The following WASF3 variants were observed in gnomAD, a reference collection of about 807,000 sequenced individuals.
The protein encoded by WASF3 is actin-binding protein WASF3.
A neutral mutation model predicts 46.6 loss-of-function variants in WASF3; 11 were observed. The observed-to-expected ratio is 0.24, with a 90% confidence interval of 0.15 to 0.39. The LOEUF (loss-of-function observed/expected upper bound fraction) is 0.39. Ranked by LOEUF, WASF3 falls within the 10% of genes least tolerant of loss-of-function variation. WASF3 has a pLI of 1.00. For synonymous variants in WASF3, 242 were observed against 259.7 expected (o/e 0.93, Z 0.65); for missense variants, 576 against 669.8 (o/e 0.86, Z 1.55).
upstream of WASF3, among the ~76,000 whole-genome samples, chr13:26,552,911 T>C (rs1879001165): frequency 6.6e-6 from 1 of 152,230 alleles, no homozygotes. Context: ...TTATTAAGTG[T>C]CTTGAGAAAG....
At chr13:26,571,627 A>G (rs1337642442) in intron 1 of WASF3, among the ~76,000 whole-genome samples, 1 of 152,098 alleles carries the variant, frequency 6.6e-6, no homozygotes, top group Non-Finnish European at 1.5e-5. Flanking sequence ...CACAATTTTA[A>G]TCATGAGGCT....
At chr13:26,593,825 A>G (rs535032222) in intron 1 of WASF3, among the ~76,000 whole-genome samples, 1 of 152,348 alleles carries the variant, frequency 6.6e-6, no homozygotes, top group Non-Finnish European at 1.5e-5. Context: ...CACATAATTA[A>G]CAAGTCTTCT....
At chr13:26,642,607 T>C (rs1306834819) in intron 3 of WASF3, among the ~76,000 whole-genome samples, 1 of 152,262 alleles carries the variant, frequency 6.6e-6, no homozygotes, top group Non-Finnish European at 1.5e-5. Flanking sequence ...TGTGATGCTC[T>C]TACCAACTCA....
intron 6 of WASF3, 114 bp from the exon 7 acceptor site, chr13:26,676,435 A>T: frequency 3.5e-6 from 4 of 1,146,526 alleles, no homozygotes; most frequent in Non-Finnish European, 4.9e-6. Context: ...TCGAAATGCG[A>T]ATGTGTCTTG....
chr13:26,637,062 T>C (rs962799178), intron 2 of WASF3, among the ~76,000 whole-genome samples: 1 of 152,202 alleles, frequency 6.6e-6, no homozygotes, highest in Non-Finnish European at 1.5e-5. Context: ...CTGTGCTTAG[T>C]CTGTCCAGTC....
intron 9 of WASF3, among the ~76,000 whole-genome samples, chr13:26,683,534 A>G (rs192647827): frequency 1.8e-4 from 27 of 152,162 alleles, no homozygotes; most frequent in African/African-American, 6.0e-4. Context: ...CAGAAACCCA[A>G]TAACTGAAGT....
intron 1 of WASF3, among the ~76,000 whole-genome samples, chr13:26,558,110 C>T (rs956532099): frequency 2.6e-5 from 4 of 151,846 alleles, no homozygotes; most frequent in Non-Finnish European, 5.9e-5. Context: ...GCCTCCGGCC[C>T]TTTGCCGTCC....
intron 2 of WASF3, among the ~76,000 whole-genome samples, chr13:26,634,715 G>T (rs755339749): frequency 1.3e-5 from 2 of 152,172 alleles, no homozygotes; most frequent in Admixed American, 1.3e-4. Flanking sequence ...TTGCTTGTCT[G>T]TGAAGGATTT....
chr13:26,682,714 A>G lies in WASF3; in HGVS notation c.1091A>G (p.Gln364Arg). 6.2e-7 allele frequency: 1 copy of G among 1,613,800 alleles called. No individual in the cohort carries two copies. Among genetic ancestry groups the G allele is most frequent in the Admixed American group, 1.7e-5 (1 of 59,986 alleles). Residue 364 changes from glutamine to arginine, a missense_variant, in exon 9 of 10, where the codon CAG becomes CGG. Around this residue, in one of 3 missense-constraint regions of WASF3, gnomAD observed 295 missense variants for 291.5 expected, o/e 1.01. Transcript: ENST00000335327. This position sits in a 1 kb window ranked among gnomAD's most constrained non-coding sequence, Gnocchi z 4.4. ...CAAACTGCCTTCGTCAGCCCTCTCC[A>G]GATGCCCATGCAGCCCCCGTTCCCT... ...SAQTAFVSPL[Q>R]MPMQPPFPAS...
chr13:26,622,358 G>GT (rs1881332808), intron 2 of WASF3, among the ~76,000 whole-genome samples: 1 of 152,080 alleles, frequency 6.6e-6, no homozygotes, highest in African/African-American at 2.4e-5. Context: ...CAGTAATATC[G>GT]TTTTAAAATA....
chr13:26,541,588 G>A, the WASF3 span, among the ~76,000 whole-genome samples: 2 of 152,084 alleles, frequency 1.3e-5, no homozygotes, highest in African/African-American at 4.8e-5. Flanking sequence ...ACCTGGCCCT[G>A]TAACACCCTT....
At chr13:26,546,215 G>C in the WASF3 span, among the ~76,000 whole-genome samples, 1 of 152,226 alleles carries the variant, frequency 6.6e-6, no homozygotes, top group South Asian at 2.1e-4. Context: ...ACAGCAGCCT[G>C]TTGTGCCTGG....
At chr13:26,556,545 G>A (rs977582641), upstream of WASF3, among the ~76,000 whole-genome samples, 1 of 152,098 alleles carries the variant, frequency 6.6e-6, no homozygotes, top group African/African-American at 2.4e-5. Flanking sequence ...CTGAATATAC[G>A]TCATCTTTAA....
chr13:26,680,061 C>T (rs1187252584), intron 7 of WASF3: 1 of 1,597,334 alleles, frequency 6.3e-7, no homozygotes, highest in Non-Finnish European at 8.5e-7. Context: ...TGAACCCTAA[C>T]AGAAACCAGC....
In WASF3 at chr13:26,682,883, T is replaced by C. The variant is rs959061055; in HGVS notation, c.1260T>C (p.His420=). 5 of 1,611,588 alleles carry C rather than the reference T, an allele frequency of 3.1e-6. No individual in the cohort carries two copies. The highest frequency in any genetic ancestry group is 4.2e-6 in the Non-Finnish European group (5 of 1,179,878). ...CTTCTCTTTCGTCCTCCCCAATGCA[T>C]GGCCCCCCAGTAGCTGAGGCGAAGC... is the stretch of plus-strand genomic sequence containing the variant. ...PGSSLSSSPM[H]GPPVAEAKRQ... The change falls in exon 9 of 10, where the codon CAT becomes CAC. Residue 420 remains histidine, a synonymous_variant. Transcript: ENST00000335327. The surrounding 1 kb of genome is among the most constrained non-coding windows in gnomAD (Gnocchi z 4.4).
chr13:26,603,803 GT>G (rs1880713787), intron 1 of WASF3, among the ~76,000 whole-genome samples: 3 of 152,210 alleles, frequency 2.0e-5, no homozygotes, highest in Non-Finnish European at 4.4e-5. Context: ...CCCTGGTTTG[GT>G]TGCTGAAATT....
intron 1 of WASF3, among the ~76,000 whole-genome samples, chr13:26,593,532 T>A (rs1053936749): frequency 6.6e-6 from 1 of 152,248 alleles, no homozygotes; most frequent in South Asian, 2.1e-4. Context: ...TTCAGGTATT[T>A]TTATGTAATT....
At chr13:26,635,329 A>C (rs1378564902) in intron 2 of WASF3, among the ~76,000 whole-genome samples, 1 of 152,150 alleles carries the variant, frequency 6.6e-6, no homozygotes, top group Admixed American at 6.5e-5. Context: ...CATGGTTTTC[A>C]GCTCCATCAG....
intron 1 of WASF3, among the ~76,000 whole-genome samples, chr13:26,583,985 T>C (rs773345894): frequency 6.6e-5 from 10 of 152,234 alleles, no homozygotes; most frequent in Non-Finnish European, 1.0e-4. Flanking sequence ...CTCAGTGCAT[T>C]GGACCTGTGA....
Sources: gnomAD v4.1 joint callset for allele counts (sites outside exome capture counted in the v4.1 genomes callset) on GRCh38, gnomAD v4.1.1 for gene constraint, gnomAD v4.1.1 regional missense constraint, Gnocchi (gnomAD v3.1) non-coding constraint, MANE v1.5 for transcripts, NCBI Gene and HGNC (gene_info 2026-07-23, HGNC 2026-07-21) for gene names.